Variants in EXOC4 observed in about 807,000 individuals in gnomAD.
The protein encoded by EXOC4 is exocyst complex component 4, also known as SEC8-like 1.
EXOC4 carries 71 observed loss-of-function variants against 107.2 expected under a neutral mutation model. The ratio of observed to expected loss-of-function variants is 0.66; its 90% CI spans 0.55 to 0.81. The LOEUF (loss-of-function observed/expected upper bound fraction) is 0.81, where lower values mean the gene tolerates loss of function less well. Ranked by LOEUF, EXOC4 falls within the 30% of genes least tolerant of loss-of-function variation. The probability of loss-of-function intolerance (pLI) is 0.00; values close to 1 mark genes in which losing one functional copy is unlikely to be tolerated. For synonymous variants in EXOC4, 456 were observed against 441.2 expected (o/e 1.03, Z -0.42); for missense variants, 1,108 against 1,189.6 (o/e 0.93, Z 1.01).
chr7:133,543,727 A>G (rs1563102740), intron 9 of EXOC4, among the ~76,000 whole-genome samples: 1 of 89,058 alleles, frequency 1.1e-5, no homozygotes. Flanking sequence ...TGTGCTTGTC[A>G]CTTCTCCTCT....
intron 7 of EXOC4, among the ~76,000 whole-genome samples, chr7:133,380,568 T>C (rs1370567632): frequency 6.6e-6 from 1 of 152,204 alleles, no homozygotes; most frequent in Non-Finnish European, 1.5e-5. Flanking sequence ...ATCTACTTTT[T>C]GGAAATGACT....
At chr7:133,987,360 A>G (rs904427915) in intron 14 of EXOC4, among the ~76,000 whole-genome samples, 2 of 150,898 alleles carry the variant, frequency 1.3e-5, no homozygotes, top group Non-Finnish European at 3.0e-5. Flanking sequence ...TACTTGGGAG[A>G]TGAGGTGGGA....
At chr7:133,544,105 A>C (rs941999690) in intron 9 of EXOC4, among the ~76,000 whole-genome samples, 1 of 152,160 alleles carries the variant, frequency 6.6e-6, no homozygotes, top group African/African-American at 2.4e-5. Context: ...TGCATTGGGA[A>C]AATTCAAGTA....
At chr7:133,748,677 C>A (rs926643144) in intron 10 of EXOC4, among the ~76,000 whole-genome samples, 5 of 152,104 alleles carry the variant, frequency 3.3e-5, no homozygotes, top group African/African-American at 1.2e-4. Flanking sequence ...CTCTCCCTTC[C>A]CTGAGAGGGT....
chr7:133,263,374 CTTTTTTTTT>C (rs920302686), intron 1 of EXOC4, among the ~76,000 whole-genome samples: 5 of 83,974 alleles, frequency 6.0e-5, no homozygotes, highest in African/African-American at 2.4e-4. Context: ...AAAAAGCATT[CTTTTTTTTT>C]TTTTTTTTTT....
intron 7 of EXOC4, among the ~76,000 whole-genome samples, chr7:133,383,863 ATGT>A (rs1796670478): frequency 6.6e-6 from 1 of 152,272 alleles, no homozygotes; most frequent in South Asian, 2.1e-4. Flanking sequence ...TCGTGAAGTC[ATGT>A]TGTTGGCCAG....
intron 17 of EXOC4, among the ~76,000 whole-genome samples, chr7:134,030,904 A>G (rs1299735993): frequency 1.3e-5 from 2 of 152,078 alleles, no homozygotes; most frequent in Non-Finnish European, 2.9e-5. Flanking sequence ...GAAGTTTTGC[A>G]TCTTTCCCTA....
chr7:133,522,818 C>T (rs1182215637), intron 9 of EXOC4, among the ~76,000 whole-genome samples: 1 of 152,162 alleles, frequency 6.6e-6, no homozygotes. Context: ...ATTTAAAATG[C>T]TTTCATTCTG....
chr7:134,074,295 T>G, the EXOC4 span, among the ~76,000 whole-genome samples: 2 of 152,160 alleles, frequency 1.3e-5, no homozygotes, highest in Non-Finnish European at 2.9e-5. Flanking sequence ...TGAAGATAAG[T>G]TTTCTCTCTC....
intron 14 of EXOC4, among the ~76,000 whole-genome samples, chr7:133,991,450 C>T (rs543189056): frequency 1.3e-5 from 2 of 152,114 alleles, no homozygotes; most frequent in South Asian, 2.1e-4. Flanking sequence ...GCTTTTTTGG[C>T]TTGGCGTAAT....
intron 12 of EXOC4, among the ~76,000 whole-genome samples, chr7:133,904,654 T>G (rs1374301200): frequency 1.3e-5 from 2 of 152,200 alleles, no homozygotes; most frequent in Non-Finnish European, 2.9e-5. Context: ...ATGATGGACC[T>G]GGGTTAAATT....
chr7:133,479,831 C>A, intron 8 of EXOC4: 1 of 537,816 alleles, frequency 1.9e-6, no homozygotes, highest in East Asian at 2.9e-5. Context: ...AGCAAAAGAT[C>A]CAAATACGGT....
At chr7:133,442,840 G>A (rs191752026) in intron 7 of EXOC4, among the ~76,000 whole-genome samples, 1 of 152,230 alleles carries the variant, frequency 6.6e-6, no homozygotes, top group Non-Finnish European at 1.5e-5. Context: ...AAGAATGGTG[G>A]TCCCATTTGT....
intron 9 of EXOC4, among the ~76,000 whole-genome samples, chr7:133,593,929 A>G (rs1434288745): frequency 6.6e-6 from 1 of 152,192 alleles, no homozygotes. Flanking sequence ...GACAATGTGG[A>G]AAGTTTAATT....
intron 10 of EXOC4, among the ~76,000 whole-genome samples, chr7:133,793,743 G>T (rs1796753433): frequency 2.0e-5 from 3 of 152,112 alleles, no homozygotes; most frequent in Non-Finnish European, 2.9e-5. Flanking sequence ...TACCCAGGAG[G>T]CTGAGGCAGG....
At chr7:133,598,129 A>G (rs1323477334) in intron 9 of EXOC4, among the ~76,000 whole-genome samples, 1 of 152,226 alleles carries the variant, frequency 6.6e-6, no homozygotes, top group East Asian at 1.9e-4. Context: ...CTAAGAAGCT[A>G]CCACGTAACA....
In EXOC4 at chr7:133,895,294, C is replaced by T. The variant is rs536354017; in HGVS notation, c.1735-305C>T. The T allele has an allele frequency of 1.6e-4, 34 of 209,788 alleles. No individual in the cohort carries two copies. In the East Asian group the frequency reaches 2.5e-3, roughly 15 times the overall value. The allele number at this position is 209,788 out of a possible 1,614,324, so 13.0% of individuals were successfully genotyped here. On this transcript the variant is annotated intron_variant, in intron 11 of 17. Transcript: ENST00000253861. ...GCCTCGCCCTGCTTCGGCTCGCGCA[C>T]GGTGCGCGCACCCACTGGCCTGCGC...
In EXOC4 at chr7:133,417,410, T is replaced by C. The variant is rs143877129; in HGVS notation, c.1182+42408T>C. Among the ~76,000 whole-genome samples, 433 of 152,296 alleles carry C rather than the reference T, an allele frequency of 2.8e-3. 2 individuals carry two copies. In the Middle Eastern group the frequency reaches 0.031, roughly 11 times the overall value. On this transcript the variant is annotated intron_variant, in intron 7 of 17. Coordinates refer to ENST00000253861, the MANE Select transcript of EXOC4 (RefSeq NM_021807.4). ...ATGGAAGGTCTGACTGCGTGTCAAC[T>C]GAAACCTTTTTTACACTTAAGGTGT...
At chr7:133,420,048 C>T (rs1162307826) in intron 7 of EXOC4, among the ~76,000 whole-genome samples, 6 of 147,674 alleles carry the variant, frequency 4.1e-5, no homozygotes, top group Non-Finnish European at 4.5e-5. Flanking sequence ...TATACATGTG[C>T]CATGCTGGTG....
Sources: gnomAD v4.1 joint callset for allele counts (sites outside exome capture counted in the v4.1 genomes callset) on GRCh38, gnomAD v4.1.1 for gene constraint, MANE v1.5 for transcripts, NCBI Gene and HGNC (gene_info 2026-07-23, HGNC 2026-07-21) for gene names.